The following CUX1 variants were observed in gnomAD, a reference collection of about 807,000 sequenced individuals.
The protein encoded by CUX1 is cut like homeobox 1.
A neutral mutation model predicts 158.8 loss-of-function variants in CUX1; 31 were observed. The ratio of observed to expected loss-of-function variants is 0.20; its 90% CI spans 0.15 to 0.26. The LOEUF (loss-of-function observed/expected upper bound fraction) is 0.26. Among genes scored for constraint, CUX1 ranks in the 10% least tolerant of loss-of-function variants. The pLI is 1.00. For missense variants in CUX1, 1,589 were observed against 2,014.6 expected (o/e 0.79, Z 4.04); for synonymous variants, 879 against 862.1 (o/e 1.02, Z -0.34).
At chr7:102,112,652 C>T (rs376032733) in intron 7 of CUX1, among the ~76,000 whole-genome samples, 1 of 151,756 alleles carries the variant, frequency 6.6e-6, no homozygotes, top group Non-Finnish European at 1.5e-5. Flanking sequence ...TCACTGAAAC[C>T]TTTACCTCTG....
At chr7:101,866,683 T>C (rs1294430488) in intron 1 of CUX1, among the ~76,000 whole-genome samples, 5 of 152,164 alleles carry the variant, frequency 3.3e-5, no homozygotes, top group Non-Finnish European at 7.3e-5. Context: ...AGTTGTTTGC[T>C]GATCATTCAC....
chr7:101,821,531 G>T (rs1470827402), intron 1 of CUX1, among the ~76,000 whole-genome samples: 1 of 149,438 alleles, frequency 6.7e-6, no homozygotes, highest in Non-Finnish European at 1.5e-5. Flanking sequence ...GTAGAGACGG[G>T]GTTTCACCGT....
intron 11 of CUX1, among the ~76,000 whole-genome samples, chr7:102,181,971 C>G (rs1051481986): frequency 6.6e-6 from 1 of 152,246 alleles, no homozygotes; most frequent in African/African-American, 2.4e-5. Context: ...GAACCCTGCC[C>G]CCGCAGTCTT....
At chr7:101,932,741 G>A (rs540847835) in intron 2 of CUX1, 4 of 385,820 alleles carry the variant, frequency 1.0e-5, no homozygotes, top group South Asian at 3.7e-5. Context: ...TTGCTTTGCC[G>A]CCATCAAGAA....
rs560298462 is a variant in CUX1 at position 101,973,970 on chromosome 7, A to G, written c.142-54128A>G. On this transcript the variant is annotated intron_variant, in intron 2 of 23. Transcript: ENST00000292535. ...TTTTTAGTAGAGACGGGGTTTCACT[A>G]TGTTGGCCAGGCTGGTCTGGAACTC... 4.0e-5 allele frequency among the ~76,000 whole-genome samples: 6 copies of G among 151,316 alleles called. No homozygotes were observed. The South Asian group carries it at 8.3e-4, about 21-fold the overall frequency.
chr7:102,248,823 G>A lies in CUX1; in HGVS notation c.4299G>A (p.Ala1433=), dbSNP rs782247467. 3 of 1,153,088 alleles carry A rather than the reference G, an allele frequency of 2.6e-6. No individual in the cohort carries two copies. The highest frequency in any genetic ancestry group is 3.5e-5 in the South Asian group (1 of 28,714). 71.4% of individuals were successfully genotyped at this position (1,153,088 alleles called of 1,614,324 possible). Reference sequence around the variant, plus strand: ...CCGCCGCGCCGGGGGAGGGCCCCGCGGCCCCGAGCTCCGCGCCGCCGCCCA... The same window carrying A: ...CCGCCGCGCCGGGGGAGGGCCCCGCAGCCCCGAGCTCCGCGCCGCCGCCCA... ...SAAAAPGEGP[A]APSSAPPPSN... Residue 1433 remains alanine, a synonymous_variant, in exon 24 of 24, where the codon GCG becomes GCA. Coordinates refer to ENST00000292535, the MANE Select transcript of CUX1 (RefSeq NM_181552.4). The surrounding 1 kb of genome is among the most constrained non-coding windows in gnomAD (Gnocchi z 5.8).
At chr7:101,967,698 C>T (rs1355133641) in intron 2 of CUX1, among the ~76,000 whole-genome samples, 1 of 152,210 alleles carries the variant, frequency 6.6e-6, no homozygotes, top group Non-Finnish European at 1.5e-5. Flanking sequence ...GTGTGCACCA[C>T]ACTTTCTAAA....
In CUX1 at chr7:102,070,390, G is replaced by A; in HGVS notation, c.241G>A (p.Val81Ile). 1 of 1,610,584 alleles carries A rather than the reference G, an allele frequency of 6.2e-7. No individual in the cohort carries two copies. The highest frequency in any genetic ancestry group is 8.5e-7 in the Non-Finnish European group (1 of 1,179,152). The change falls in exon 4 of 24, where the codon GTC becomes ATC. Residue 81 changes from valine (V) to isoleucine (I), a missense_variant. Physicochemically the swap from Val to Ile is conservative, Grantham distance 29 (BLOSUM62 3). This residue lies in a region of CUX1 where 63 missense variants were observed against 109.2 expected (regional missense o/e 0.58). Transcript: ENST00000292535. ...GGAAGCTGAAGCAGCTTTCTTGAAT[G>A]TCTACAAAAGATTGATTGACGTCCC... ...SKEAEAAFLN[V>I]YKRLIDVPDP...
chr7:102,176,948 CT>C (rs113478597), intron 10 of CUX1, among the ~76,000 whole-genome samples: 258 of 142,400 alleles, frequency 1.8e-3, no homozygotes, highest in Non-Finnish European at 2.1e-3. Flanking sequence ...TGACTTTTTC[CT>C]TTTTTTTTTT....
intron 1 of CUX1, among the ~76,000 whole-genome samples, chr7:101,842,741 A>G (rs1278778142): frequency 1.3e-5 from 2 of 148,780 alleles, no homozygotes; most frequent in Non-Finnish European, 3.0e-5. Context: ...GTACTGTTAC[A>G]TTGCATGTAT....
chr7:101,992,626 C>A (rs1815288232), intron 2 of CUX1, among the ~76,000 whole-genome samples: 1 of 152,118 alleles, frequency 6.6e-6, no homozygotes, highest in African/African-American at 2.4e-5. Context: ...GAGGGTGATA[C>A]TGATTTAGAT....
chr7:101,997,994 T>TGTCA (rs1816186607), intron 2 of CUX1, among the ~76,000 whole-genome samples: 1 of 152,200 alleles, frequency 6.6e-6, no homozygotes, highest in Non-Finnish European at 1.5e-5. Context: ...ACTCCCCAAC[T>TGTCA]GTCAGTCACT....
At chr7:102,088,640 GAAATA>G (rs1460268611) in intron 4 of CUX1, among the ~76,000 whole-genome samples, 2 of 152,176 alleles carry the variant, frequency 1.3e-5, no homozygotes, top group South Asian at 2.1e-4. Context: ...TCTCAAAAGA[GAAATA>G]AAATAAATAA....
intron 2 of CUX1, among the ~76,000 whole-genome samples, chr7:101,997,845 G>C (rs1037995372): frequency 6.6e-6 from 1 of 151,446 alleles, no homozygotes; most frequent in Non-Finnish European, 1.5e-5. Context: ...TTATCTCAGA[G>C]AGCTTTCACT....
intron 20 of CUX1, among the ~76,000 whole-genome samples, chr7:102,212,795 A>C (rs142355599): frequency 1.3e-5 from 2 of 151,686 alleles, no homozygotes; most frequent in African/African-American, 4.9e-5. Context: ...TTTCTCACTT[A>C]GTAACACACC....
chr7:101,952,871 T>C (rs1809262542), intron 2 of CUX1, among the ~76,000 whole-genome samples: 1 of 152,250 alleles, frequency 6.6e-6, no homozygotes, highest in African/African-American at 2.4e-5. Flanking sequence ...GTGTGTGTCC[T>C]CTGCGGTCAC....
At chr7:102,113,542 C>T (rs1831149494) in intron 7 of CUX1, among the ~76,000 whole-genome samples, 1 of 152,152 alleles carries the variant, frequency 6.6e-6, no homozygotes, top group Admixed American at 6.5e-5. Flanking sequence ...AGGCATGAGC[C>T]ACTGCACCCA....
chr7:102,046,068 A>G (rs1283303895), intron 3 of CUX1, among the ~76,000 whole-genome samples: 2 of 152,242 alleles, frequency 1.3e-5, no homozygotes, highest in African/African-American at 2.4e-5. Flanking sequence ...GAACCCCAGA[A>G]TGACTTAGGA....
intron 1 of CUX1, among the ~76,000 whole-genome samples, chr7:101,866,481 A>C (rs193116215): frequency 2.6e-5 from 4 of 151,586 alleles, no homozygotes; most frequent in Admixed American, 6.6e-5. Flanking sequence ...CAAGAACAAA[A>C]ACTAACCAGT....
Sources: gnomAD v4.1 joint callset for allele counts (sites outside exome capture counted in the v4.1 genomes callset) on GRCh38, gnomAD v4.1.1 for gene constraint, gnomAD v4.1.1 regional missense constraint, Gnocchi (gnomAD v3.1) non-coding constraint, MANE v1.5 for transcripts, NCBI Gene and HGNC (gene_info 2026-07-23, HGNC 2026-07-21) for gene names.